ARHGAP42: variants seen among roughly 807,000 people sequenced by gnomAD.
ARHGAP42 encodes the protein rho GTPase-activating protein 42.
A neutral mutation model predicts 125.0 loss-of-function variants in ARHGAP42; 63 were observed. The observed-to-expected ratio is 0.50, with a 90% confidence interval of 0.41 to 0.62. The LOEUF (loss-of-function observed/expected upper bound fraction) is 0.62, where lower values mean the gene tolerates loss of function less well. ARHGAP42 is among the 20% of genes least tolerant of loss of function. The pLI, the probability that ARHGAP42 is intolerant of heterozygous loss-of-function variation, is 0.00. For synonymous variants in ARHGAP42, 339 were observed against 351.0 expected (o/e 0.97, Z 0.38); for missense variants, 766 against 1,024.2 (o/e 0.75, Z 3.44).
intron 3 of ARHGAP42, among the ~76,000 whole-genome samples, chr11:100,815,920 G>GC (rs1864256035): frequency 6.6e-6 from 1 of 152,098 alleles, no homozygotes; most frequent in African/African-American, 2.4e-5. Flanking sequence ...TTTGTGACTA[G>GC]CTTTTTTCAG....
chr11:100,962,619 G>A (rs1857984311), intron 16 of ARHGAP42, among the ~76,000 whole-genome samples, 152 bp downstream of exon 16: 1 of 152,164 alleles, frequency 6.6e-6, no homozygotes, highest in Admixed American at 6.5e-5. Flanking sequence ...GCTCAAACCT[G>A]TAATTCCAGC....
At chr11:100,828,797 C>T (rs569594612) in intron 3 of ARHGAP42, among the ~76,000 whole-genome samples, 2 of 151,888 alleles carry the variant, frequency 1.3e-5, no homozygotes, top group African/African-American at 4.8e-5. Flanking sequence ...AAGTGATCCT[C>T]CCGCCTTGGC....
At chr11:100,836,905 G>A (rs1280503254) in intron 3 of ARHGAP42, among the ~76,000 whole-genome samples, 1 of 151,660 alleles carries the variant, frequency 6.6e-6, no homozygotes, top group African/African-American at 2.4e-5. Flanking sequence ...AGTCTCTGGA[G>A]GTAAATCATG....
chr11:100,967,416 A>G (rs1392705569), intron 17 of ARHGAP42, among the ~76,000 whole-genome samples: 2 of 152,216 alleles, frequency 1.3e-5, no homozygotes, highest in East Asian at 3.8e-4. Flanking sequence ...GAAAATTATT[A>G]TGGAATTTCT....
chr11:100,963,109 T>C (rs1857998657), intron 16 of ARHGAP42, among the ~76,000 whole-genome samples: 1 of 152,190 alleles, frequency 6.6e-6, no homozygotes, highest in South Asian at 2.1e-4. Flanking sequence ...TCTAAATACG[T>C]ACAGACGATT....
intron 1 of ARHGAP42, chr11:100,738,507 C>T (rs1862114027): frequency 6.6e-6 from 1 of 152,186 alleles, no homozygotes; most frequent in African/African-American, 2.4e-5. Context: ...AGGTAACTCA[C>T]TAATTCCATC....
Position 100,770,328 on chromosome 11 carries a change from A to G in ARHGAP42, c.155-15A>G. On this transcript the variant is annotated splice_polypyrimidine_tract_variant and intron_variant, in intron 1 of 23. Coordinates refer to ENST00000298815, the MANE Select transcript of ARHGAP42 (RefSeq NM_152432.4). ...ACCTCACCTTATGGATTTTTTGCTT[A>G]ACTTTTACTTGCAGATCTGTCTATG... The G allele has an allele frequency of 6.6e-7, 1 of 1,524,726 alleles. No individual in the cohort carries two copies. Among genetic ancestry groups the G allele is most frequent in the Non-Finnish European group, 8.8e-7 (1 of 1,134,072 alleles). The allele number at this position is 1,524,726 out of a possible 1,614,324, so 94.4% of individuals were successfully genotyped here.
chr11:100,878,506 A>AG (rs2135172062), intron 4 of ARHGAP42, among the ~76,000 whole-genome samples: 1 of 152,322 alleles, frequency 6.6e-6, no homozygotes, highest in East Asian at 1.9e-4. Flanking sequence ...GTTTTCTCCC[A>AG]GGGACCTGCT....
chr11:100,763,590 C>G (rs932071678), intron 1 of ARHGAP42, among the ~76,000 whole-genome samples: 1 of 152,102 alleles, frequency 6.6e-6, no homozygotes, highest in African/African-American at 2.4e-5. Context: ...CGGGTTCAAG[C>G]AATTCTCCTG....
intron 8 of ARHGAP42, among the ~76,000 whole-genome samples, chr11:100,939,312 G>A (rs1867816125): frequency 6.6e-6 from 1 of 152,034 alleles, no homozygotes. Context: ...AAGAATTAGA[G>A]ATGTCATATG....
intron 8 of ARHGAP42, among the ~76,000 whole-genome samples, chr11:100,939,567 A>T (rs1349108444): frequency 4.6e-5 from 7 of 152,174 alleles, no homozygotes; most frequent in Non-Finnish European, 7.3e-5. Flanking sequence ...TCTTAGATAA[A>T]ATATGGGCAC....
intron 4 of ARHGAP42, among the ~76,000 whole-genome samples, chr11:100,860,824 C>T (rs745600393): frequency 1.1e-4 from 17 of 152,148 alleles, no homozygotes; most frequent in Non-Finnish European, 2.4e-4. Flanking sequence ...CATTTCTCCA[C>T]CAATTGTGAG....
intron 4 of ARHGAP42, among the ~76,000 whole-genome samples, chr11:100,860,559 G>A (rs528372347): frequency 1.3e-5 from 2 of 151,988 alleles, no homozygotes; most frequent in African/African-American, 4.8e-5. Flanking sequence ...ACCCGGCTCT[G>A]TATATACCTG....
Position 100,787,588 on chromosome 11 carries a change from C to T in ARHGAP42, c.251-7517C>T, listed in dbSNP as rs184582087. Among the ~76,000 whole-genome samples, 3 of 152,252 alleles carry T rather than the reference C, an allele frequency of 2.0e-5. No individual in the cohort carries two copies. In the South Asian group the frequency reaches 6.2e-4, roughly 32 times the overall value. On this transcript the variant is annotated intron_variant, in intron 2 of 23. Transcript: ENST00000298815. ...CTTGGTCACAAGTTCTGAATCTCAG[C>T]CCAAATGTGGTTTGGCAGGCAATGT...
At chr11:100,778,830 A>G (rs1325790671) in intron 2 of ARHGAP42, among the ~76,000 whole-genome samples, 2 of 152,184 alleles carry the variant, frequency 1.3e-5, no homozygotes, top group Admixed American at 1.3e-4. Flanking sequence ...CAAGCCTGGA[A>G]AGAAATTTAT....
intron 3 of ARHGAP42, among the ~76,000 whole-genome samples, chr11:100,815,236 A>G (rs1864240382): frequency 3.3e-5 from 5 of 152,164 alleles, no homozygotes; most frequent in East Asian, 1.9e-4. Flanking sequence ...TTCCTTTTCC[A>G]TTAGCCTTTG....
intron 4 of ARHGAP42, among the ~76,000 whole-genome samples, chr11:100,894,717 C>A (rs1866302999): frequency 6.6e-6 from 1 of 152,158 alleles, no homozygotes; most frequent in Non-Finnish European, 1.5e-5. Context: ...TATAGCCTTT[C>A]ATTGCTCTCC....
chr11:100,923,039 C>G (rs1867323203), intron 6 of ARHGAP42, among the ~76,000 whole-genome samples: 1 of 152,172 alleles, frequency 6.6e-6, no homozygotes, highest in East Asian at 1.9e-4. Flanking sequence ...CTTTAAGGAT[C>G]TGATTAAACT....
intron 4 of ARHGAP42, among the ~76,000 whole-genome samples, chr11:100,900,879 A>G (rs1866527031): frequency 1.3e-5 from 2 of 152,126 alleles, no homozygotes. Flanking sequence ...ACCTTCTGAA[A>G]CCTACTTCTG....
Sources: gnomAD v4.1 joint callset for allele counts (sites outside exome capture counted in the v4.1 genomes callset) on GRCh38, gnomAD v4.1.1 for gene constraint, MANE v1.5 for transcripts, NCBI Gene and HGNC (gene_info 2026-07-23, HGNC 2026-07-21) for gene names.